The following DOCK5 variants were observed in gnomAD, a reference collection of about 807,000 sequenced individuals.
DOCK5 encodes dedicator of cytokinesis 5.
In DOCK5, 142 loss-of-function variants were observed where a neutral mutation model predicts 251.8. The observed-to-expected ratio is 0.56, with a 90% CI of 0.49 to 0.65. The LOEUF is 0.65. Among genes scored for constraint, DOCK5 ranks in the 30% least tolerant of loss-of-function variants. The pLI is 0.00. For missense variants in DOCK5, 2,111 were observed against 2,312.3 expected, an observed-to-expected ratio of 0.91 and a Z score of 1.79; for synonymous variants, 842 against 835.5, an observed-to-expected ratio of 1.01 and a Z score of -0.13.
At chr8:25,240,267 T>C (rs1802908772) in intron 1 of DOCK5, among the ~76,000 whole-genome samples, 1 of 148,234 alleles carries the variant, frequency 6.7e-6, no homozygotes, top group Non-Finnish European at 1.5e-5. Context: ...GGGTAAGAAG[T>C]AAATCTACTT....
intron 44 of DOCK5, 134 bp from the exon 45 acceptor site, chr8:25,395,409 C>T: frequency 4.9e-6 from 5 of 1,013,124 alleles, no homozygotes; most frequent in Non-Finnish European, 7.2e-6. Context: ...ATAAGTCTAA[C>T]CTTGATTAGC....
rs750681538 is a variant in DOCK5 at position 25,270,793 on chromosome 8, A to G, written c.168+1908A>G. On this transcript the variant is annotated intron_variant, in intron 3 of 51. Transcript: ENST00000276440. The stretch of plus-strand genomic sequence containing the variant: ...AGTCATTTCCTCATTTCCACAGGCA[A>G]TTGGTTCCAGGACCCCCACAATACC... The G allele has an allele frequency of 6.7e-5, 48 of 713,270 alleles. No homozygotes were observed. In the Middle Eastern group the frequency reaches 6.9e-4, roughly 10 times the overall value. The allele number at this position is 713,270 out of a possible 1,614,324, so 44.2% of individuals were successfully genotyped here.
In DOCK5 at chr8:25,413,277, T is replaced by A. The variant is rs1254080952; in HGVS notation, c.*1979T>A. ...AACTCTCTAAGAGCATTACTCATACTTTTTTTTTCTTCCAAGGTAGTTTGG... is the reference window on the plus strand; with the variant it reads ...AACTCTCTAAGAGCATTACTCATACATTTTTTTTCTTCCAAGGTAGTTTGG... On this transcript the variant is annotated 3_prime_UTR_variant, in exon 52 of 52. Coordinates refer to ENST00000276440, the MANE Select transcript of DOCK5 (RefSeq NM_024940.8). 1 of 151,930 alleles carries A rather than the reference T, an allele frequency of 6.6e-6. No individual in the cohort carries two copies. The highest frequency in any genetic ancestry group is 1.5e-5 in the Non-Finnish European group (1 of 67,896). The allele number at this position is 151,930 out of a possible 1,614,324, so 9.4% of individuals were successfully genotyped here.
chr8:25,258,099 C>T (rs1803468643), intron 2 of DOCK5, among the ~76,000 whole-genome samples: 1 of 152,134 alleles, frequency 6.6e-6, no homozygotes, highest in Non-Finnish European at 1.5e-5. Context: ...TTTCCTTCCT[C>T]TCACTGAGCT....
chr8:25,342,810 T>G (rs537907988), intron 25 of DOCK5, among the ~76,000 whole-genome samples: 1 of 137,420 alleles, frequency 7.3e-6, no homozygotes, highest in South Asian at 2.8e-4. Flanking sequence ...GCAATTCTCC[T>G]GCCTCAGCCT....
chr8:25,364,938 G>A lies in DOCK5; in HGVS notation c.3123+234G>A, dbSNP rs542768795. Among the ~76,000 whole-genome samples, 5 of 152,204 alleles carry A rather than the reference G, an allele frequency of 3.3e-5. No homozygotes were observed. The South Asian group carries it at 1.0e-3, about 32-fold the overall frequency. On this transcript the variant is annotated intron_variant, in intron 30 of 51. Transcript: ENST00000276440. ...ATATGTAAAAAAAAAATCTTAAAGA[G>A]TAATAGTAGAAGATCAAAAATATAA... is the stretch of plus-strand genomic sequence containing the variant.
intron 3 of DOCK5, among the ~76,000 whole-genome samples, chr8:25,275,075 G>A (rs1355681131): frequency 6.6e-6 from 1 of 152,086 alleles, no homozygotes; most frequent in African/African-American, 2.4e-5. Context: ...AGCATCTGAG[G>A]GGTTTAGGAG....
intron 51 of DOCK5, 84 bp downstream of exon 51, chr8:25,410,286 G>A (rs949796107): frequency 5.8e-6 from 7 of 1,204,572 alleles, no homozygotes; most frequent in Non-Finnish European, 8.4e-6. Flanking sequence ...TCTTTAGTGG[G>A]CAGGTTTGCT....
rs973939511 is a variant in DOCK5, at chr8:25,399,920, A to G, written c.4714A>G (p.Thr1572Ala). Reference sequence around the variant, plus strand: ...ATATGCTTTTTTTTAGGCTTTTTTTACAGAAAAGTACTTGCAGGAGCATCC... The same window carrying G: ...ATATGCTTTTTTTTAGGCTTTTTTTGCAGAAAAGTACTTGCAGGAGCATCC... ...GFSNYEKAFF[T>A]EKYLQEHPED... The change falls in exon 46 of 52, where the codon ACA (threonine) becomes GCA (alanine). Residue 1572 changes from threonine (T) to alanine (A), a missense_variant. Physicochemically the swap from Thr to Ala is moderately conservative, Grantham distance 58 (BLOSUM62 0). Around this residue, in one of 3 missense-constraint regions of DOCK5, gnomAD observed 1,717 missense variants for 1,892.4 expected, o/e 0.91. Coordinates refer to ENST00000276440, the MANE Select transcript of DOCK5 (RefSeq NM_024940.8). The G allele has an allele frequency of 1.9e-6, 3 of 1,612,548 alleles. No individual in the cohort carries two copies. The highest frequency in any genetic ancestry group is 2.5e-6 in the Non-Finnish European group (3 of 1,179,286).
At chr8:25,374,765 C>T (rs200519276) in intron 37 of DOCK5, 111 bp downstream of exon 37, 244 of 1,597,948 alleles carry the variant, frequency 1.5e-4, no homozygotes, top group Non-Finnish European at 1.9e-4. Context: ...CAGGAATATC[C>T]TTTTATACAA....
intron 3 of DOCK5, among the ~76,000 whole-genome samples, chr8:25,269,403 G>T (rs1364703941): frequency 6.6e-6 from 1 of 152,086 alleles, no homozygotes; most frequent in Non-Finnish European, 1.5e-5. Context: ...AAATGAAACC[G>T]AAAAGTAGAG....
At chr8:25,204,523 T>C (rs1801954551) in intron 1 of DOCK5, among the ~76,000 whole-genome samples, 1 of 152,236 alleles carries the variant, frequency 6.6e-6, no homozygotes, top group East Asian at 1.9e-4. Context: ...AAGCGATGCC[T>C]GTTAGGCCAC....
intron 27 of DOCK5, among the ~76,000 whole-genome samples, chr8:25,353,080 C>T (rs2117252572): frequency 6.6e-6 from 1 of 152,258 alleles, no homozygotes; most frequent in Admixed American, 6.5e-5. Context: ...GAAACGATTG[C>T]AAGTAAAACT....
At chr8:25,352,633 A>C (rs745654003) in intron 27 of DOCK5, among the ~76,000 whole-genome samples, 2 of 152,246 alleles carry the variant, frequency 1.3e-5, no homozygotes, top group Non-Finnish European at 2.9e-5. Context: ...AATTCCTATC[A>C]GATAAGAAAA....
chr8:25,391,892 C>A lies in DOCK5; in HGVS notation c.4356-4C>A. 1 of 1,613,504 alleles carries A rather than the reference C, an allele frequency of 6.2e-7. No individual in the cohort carries two copies. Among genetic ancestry groups the A allele is most frequent in the Non-Finnish European group, 8.5e-7 (1 of 1,179,704 alleles). ...AAATACAGCATTGCTTTGTCCTTCT[C>A]CAGCTACTACAGAGCCAATGAAGTG... On this transcript the variant is annotated splice_region_variant and splice_polypyrimidine_tract_variant and intron_variant, in intron 42 of 51. Transcript: ENST00000276440.
chr8:25,222,002 T>A (rs1802403437), intron 1 of DOCK5, among the ~76,000 whole-genome samples: 1 of 152,174 alleles, frequency 6.6e-6, no homozygotes, highest in Non-Finnish European at 1.5e-5. Flanking sequence ...GTGCTCTGAA[T>A]CTTACCTTTT....
Position 25,370,323 on chromosome 8 carries a change from G to A in DOCK5, c.3524+682G>A, listed in dbSNP as rs563328530. On this transcript the variant is annotated intron_variant, in intron 34 of 51. Coordinates refer to ENST00000276440, the MANE Select transcript of DOCK5 (RefSeq NM_024940.8). The stretch of plus-strand genomic sequence containing the variant: ...GCCACATATTAAGAGTTTGGCTTTA[G>A]TCCAGTGATTCTGCTTATCCAACAC... Among the ~76,000 whole-genome samples the A allele has an allele frequency of 6.6e-5, 10 of 152,330 alleles. No individual in the cohort carries two copies. The South Asian group carries it at 1.5e-3, about 22-fold the overall frequency.
intron 13 of DOCK5, among the ~76,000 whole-genome samples, chr8:25,316,761 T>C (rs1009441717): frequency 9.2e-5 from 14 of 152,200 alleles, no homozygotes; most frequent in African/African-American, 3.1e-4. Context: ...TAGAAATTTT[T>C]AATAGAGAAA....
chr8:25,339,271 GT>G (rs1424776482), intron 22 of DOCK5, among the ~76,000 whole-genome samples: 1 of 152,044 alleles, frequency 6.6e-6, no homozygotes, highest in African/African-American at 2.4e-5. Flanking sequence ...AGAAAAAATT[GT>G]AAATTGCTCC....
Sources: allele counts gnomAD v4.1 joint callset (sites outside exome capture counted in the v4.1 genomes callset), GRCh38; gene constraint gnomAD v4.1.1; regional missense constraint gnomAD v4.1.1; transcripts MANE v1.5; gene names NCBI Gene and HGNC (gene_info 2026-07-23, HGNC 2026-07-21).